The following CARD9 variants were observed in gnomAD, a reference collection of about 807,000 sequenced individuals.
CARD9 encodes the protein caspase recruitment domain-containing protein 9.
In CARD9, 53 loss-of-function variants were observed where a neutral mutation model predicts 66.0. That is an observed-to-expected ratio of 0.80 (90% CI 0.64 to 1.01). The LOEUF (loss-of-function observed/expected upper bound fraction) is 1.01, where lower values mean the gene tolerates loss of function less well. Among genes scored for constraint, CARD9 ranks in the 50% least tolerant of loss-of-function variants. The pLI, the probability that CARD9 is intolerant of heterozygous loss-of-function variation, is 0.00. For synonymous variants in CARD9, 387 were observed against 313.8 expected (o/e 1.23, Z -2.47); for missense variants, 769 against 743.2 (o/e 1.03, Z -0.40).
At chr9:136,367,383 C>T (rs963881875) in intron 8 of CARD9, 126 bp from the exon 9 acceptor site, 10 of 1,155,672 alleles carry the variant, frequency 8.7e-6, no homozygotes, top group Middle Eastern at 2.1e-4. Context: ...CACCAGGCCC[C>T]CTCCATGCCC....
chr9:136,367,858 G>C, intron 7 of CARD9, 30 bp from the exon 8 acceptor site: 1 of 1,580,546 alleles, frequency 6.3e-7, no homozygotes, highest in Non-Finnish European at 8.6e-7. Flanking sequence ...CCGACCCTCA[G>C]TGAGGGCCCC....
chr9:136,366,647 C>A (rs970642191), intron 10 of CARD9, 153 bp downstream of exon 10: 17 of 828,150 alleles, frequency 2.1e-5, no homozygotes, highest in Non-Finnish European at 3.3e-5. Flanking sequence ...TGACCTTGAC[C>A]ATTTTACTTA....
Position 136,364,540 on chromosome 9 carries a change from C to A in CARD9, c.1454G>T (p.Gly485Val). Residue 485 changes from glycine to valine, a missense_variant, in exon 12 of 13, where the codon GGG becomes GTG. By Grantham distance (109) the Gly-to-Val change is moderately radical. Coordinates refer to ENST00000371732, the MANE Select transcript of CARD9 (RefSeq NM_052813.5). ...RNPHDAGLSSGEPPEKERRRL... is the reference protein window; with the variant it reads ...RNPHDAGLSSVEPPEKERRRL... The stretch of plus-strand genomic sequence containing the variant: ...CCGCCGCTCCTTCTCGGGCGGCTCC[C>A]CGCTGCTCAGGCCTGCGTCCTGGAG... The A allele has an allele frequency of 6.5e-7, 1 of 1,538,988 alleles. No individual in the cohort carries two copies. Among genetic ancestry groups the A allele is most frequent in the Non-Finnish European group, 8.7e-7 (1 of 1,146,806 alleles).
At chr9:136,368,173 G>A (rs1490861562) in intron 7 of CARD9, among the ~76,000 whole-genome samples, 3 of 152,204 alleles carry the variant, frequency 2.0e-5, no homozygotes, top group East Asian at 1.9e-4. Context: ...CTTCGTGACC[G>A]CAGCACTCTT....
chr9:136,369,718 G>T, intron 7 of CARD9, 32 bp downstream of exon 7: 1 of 1,569,448 alleles, frequency 6.4e-7, no homozygotes. Context: ...CCCGCGAGTG[G>T]GGTGCTTTGT....
rs554057010 is a variant in CARD9, at chr9:136,364,610, G to C, written c.1435-51C>G. 6.6e-5 allele frequency: 100 copies of C among 1,509,214 alleles called. No individual in the cohort carries two copies. The African/African-American group carries it at 1.2e-3, about 19-fold the overall frequency. 93.5% of individuals were successfully genotyped at this position (1,509,214 alleles called of 1,614,324 possible). A position where few individuals can be genotyped will look rare whatever the true frequency, so the allele number is the denominator to read the frequency against. On this transcript the variant is annotated intron_variant, in intron 11 of 12. Coordinates refer to ENST00000371732, the MANE Select transcript of CARD9 (RefSeq NM_052813.5). ...CCGGCCGGCTCCCCTGAGGGAACCC[G>C]TCCTTCTCACCCGCCCCCCACTGGC...
chr9:136,367,426 C>T, intron 8 of CARD9, 169 bp from the exon 9 acceptor site: 1 of 957,892 alleles, frequency 1.0e-6, no homozygotes, highest in Non-Finnish European at 1.6e-6. Flanking sequence ...GATGGCCAGG[C>T]CCAGGACCCA....
intron 7 of CARD9, 46 bp downstream of exon 7, chr9:136,369,704 C>G: frequency 6.4e-7 from 1 of 1,555,912 alleles, no homozygotes. Context: ...CCCTGGTGCA[C>G]CCACCCGCGA....
Position 136,372,023 on chromosome 9 carries a change from A to G in CARD9, c.56T>C (p.Val19Ala). The change falls in exon 2 of 13, where the codon GTG becomes GCG. Residue 19 changes from valine to alanine, a missense_variant. Val to Ala is a moderately conservative substitution (Grantham distance 64). Transcript: ENST00000371732. ...ECWSVLEGFR[V>A]TLTSVIDPSR... ...GGGGTCGATGACCGAGGTGAGCGTCACCCGGAAGCCCTCCAGGACGCTCCA... is the reference window on the plus strand; with the variant it reads ...GGGGTCGATGACCGAGGTGAGCGTCGCCCGGAAGCCCTCCAGGACGCTCCA... 6.2e-7 allele frequency: 1 copy of G among 1,612,760 alleles called. No homozygotes were observed. Among genetic ancestry groups the G allele is most frequent in the Non-Finnish European group, 8.5e-7 (1 of 1,179,946 alleles).
chr9:136,372,646 C>T (rs141057048), intron 1 of CARD9, among the ~76,000 whole-genome samples: 21 of 152,348 alleles, frequency 1.4e-4, no homozygotes, highest in African/African-American at 4.6e-4. Context: ...TCCTCATTCC[C>T]CTGACCGACG....
At chr9:136,372,748 T>G (rs1313330278) in intron 1 of CARD9, among the ~76,000 whole-genome samples, 1 of 151,942 alleles carries the variant, frequency 6.6e-6, no homozygotes, top group Non-Finnish European at 1.5e-5. Flanking sequence ...AGCTGCGGGG[T>G]CGCTGCACTG....
At chr9:136,365,066 C>A in intron 11 of CARD9, 75 bp downstream of exon 11, 1 of 1,456,138 alleles carries the variant, frequency 6.9e-7, no homozygotes, top group Non-Finnish European at 9.5e-7. Context: ...GTGCCCAGGG[C>A]AGGGAGCCAC....
intron 10 of CARD9, 164 bp from the exon 11 acceptor site, chr9:136,365,381 GC>G: frequency 1.6e-6 from 1 of 643,272 alleles, no homozygotes; most frequent in Non-Finnish European, 2.7e-6. Context: ...TGAGACTGAG[GC>G]CTTATGGCCT....
chr9:136,364,274 G>T lies in CARD9; in HGVS notation c.*28C>A, dbSNP rs1393110845. On this transcript the variant is annotated 3_prime_UTR_variant, in exon 13 of 13. Coordinates refer to ENST00000371732, the MANE Select transcript of CARD9 (RefSeq NM_052813.5). ...GGCAGGAGGCCGGGCCGGTGGGTGT[G>T]CCCTGGTCGGGGCCTGCGCTGCTGC... 6.4e-7 allele frequency: 1 copy of T among 1,551,462 alleles called. No homozygotes were observed. The highest frequency in any genetic ancestry group is 2.4e-5 in the East Asian group (1 of 41,148).
At position 136,371,448 on chromosome 9, in the gene CARD9, G is replaced by A. The variant is rs1217596220; in HGVS notation, c.198C>T (p.Asp66=). The part of the protein sequence containing the change: ...IRKRKVGVLL[D]ILQRTGHKGY... ...CCTTGTGGCCGGTCCGCTGCAGGATGTCCAGGAGCACACCTGCGGGCCAGA... is the reference window on the plus strand; with the variant it reads ...CCTTGTGGCCGGTCCGCTGCAGGATATCCAGGAGCACACCTGCGGGCCAGA... The change falls in exon 3 of 13, where the codon GAC becomes GAT. Residue 66 remains aspartate, a synonymous_variant. Coordinates refer to ENST00000371732, the MANE Select transcript of CARD9 (RefSeq NM_052813.5). The A allele has an allele frequency of 1.9e-6, 3 of 1,580,534 alleles. No individual in the cohort carries two copies. The highest frequency in any genetic ancestry group is 2.3e-5 in the South Asian group (2 of 87,070).
At chr9:136,368,339 A>G (rs949055618) in intron 7 of CARD9, among the ~76,000 whole-genome samples, 7 of 152,154 alleles carry the variant, frequency 4.6e-5, no homozygotes, top group Admixed American at 3.3e-4. Flanking sequence ...TCCCTGGCCA[A>G]CGCGCTCCCG....
rs550282141 is a variant in CARD9, at chr9:136,370,821, C to T, written c.627+20G>A. ...AGGCCAGGCGAGGGTGGCCTGGTTTCCCGGGGGCAGCGGGCGCACCTCCAG... is the reference window on the plus strand; with the variant it reads ...AGGCCAGGCGAGGGTGGCCTGGTTTTCCGGGGGCAGCGGGCGCACCTCCAG... On this transcript the variant is annotated intron_variant, in intron 4 of 12. Coordinates refer to ENST00000371732, the MANE Select transcript of CARD9 (RefSeq NM_052813.5). The T allele has an allele frequency of 3.8e-6, 6 of 1,594,294 alleles. No homozygotes were observed. The highest frequency in any genetic ancestry group is 2.2e-5 in the South Asian group (2 of 89,240).
chr9:136,369,359 T>G (rs767072571), intron 7 of CARD9, among the ~76,000 whole-genome samples: 1 of 152,214 alleles, frequency 6.6e-6, no homozygotes, highest in African/African-American at 2.4e-5. Flanking sequence ...AGGTGATAGA[T>G]GATAGACAGA....
rs1398403452 is a variant in CARD9 at position 136,372,214 on chromosome 9, C to T, written c.-16-120G>A. 3 of 1,340,122 alleles carry T rather than the reference C, an allele frequency of 2.2e-6. No homozygotes were observed. In the Admixed American group the frequency reaches 6.0e-5, roughly 27 times the overall value. 83.0% of individuals were successfully genotyped at this position (1,340,122 alleles called of 1,614,324 possible). On this transcript the variant is annotated intron_variant, in intron 1 of 12. Coordinates refer to ENST00000371732, the MANE Select transcript of CARD9 (RefSeq NM_052813.5). ...CGTCAGGGCATCGAGGGGGATCAGC[C>T]CAGGGGCATCCAGGAGAGGTGCCCA...
Sources: allele counts gnomAD v4.1 joint callset (sites outside exome capture counted in the v4.1 genomes callset), GRCh38; gene constraint gnomAD v4.1.1; transcripts MANE v1.5; gene names NCBI Gene and HGNC (gene_info 2026-07-23, HGNC 2026-07-21).